Variants in FUT8 observed in about 807,000 individuals in gnomAD.
FUT8 encodes alpha-(1,6)-fucosyltransferase.
A neutral mutation model predicts 71.3 loss-of-function variants in FUT8; 29 were observed. The observed-to-expected ratio is 0.41, with a 90% CI of 0.30 to 0.55. FUT8 has a LOEUF of 0.55. FUT8 is among the 20% of genes least tolerant of loss of function. The pLI is 0.34. For synonymous variants in FUT8, 254 were observed against 239.3 expected, an observed-to-expected ratio of 1.06 and a Z score of -0.57; for missense variants, 544 against 702.1, an observed-to-expected ratio of 0.77 and a Z score of 2.55.
chr14:65,728,485 C>T (rs115153255), intron 9 of FUT8, among the ~76,000 whole-genome samples: 2,685 of 152,202 alleles, frequency 0.018, 80 homozygotes, highest in African/African-American at 0.061. Flanking sequence ...GAGAACAGCA[C>T]GGGAAAGGTT....
intron 2 of FUT8, among the ~76,000 whole-genome samples, chr14:65,484,925 G>A (rs190630778): frequency 1.4e-4 from 22 of 151,836 alleles, no homozygotes; most frequent in Admixed American, 1.4e-3. Flanking sequence ...TGTCTAATCT[G>A]TTAATTCTAT....
chr14:65,494,211 C>T (rs2066525048), intron 2 of FUT8, among the ~76,000 whole-genome samples: 1 of 151,932 alleles, frequency 6.6e-6, no homozygotes, highest in African/African-American at 2.4e-5. Context: ...AGTTATTTAA[C>T]GTAATGTATT....
At chr14:65,504,120 C>T (rs987983003) in intron 2 of FUT8, among the ~76,000 whole-genome samples, 22 of 152,304 alleles carry the variant, frequency 1.4e-4, no homozygotes, top group Admixed American at 1.2e-3. Flanking sequence ...CCTACACCCC[C>T]TTCTTTAAAA....
intron 1 of FUT8, among the ~76,000 whole-genome samples, chr14:65,430,032 T>G (rs1054332014): frequency 1.3e-5 from 2 of 151,760 alleles, no homozygotes; most frequent in South Asian, 2.1e-4. Context: ...TTTTGTTTTT[T>G]TTTTTGAGAC....
the FUT8 span, among the ~76,000 whole-genome samples, chr14:65,363,542 C>A: frequency 2.0e-5 from 3 of 152,198 alleles, no homozygotes; most frequent in Admixed American, 2.0e-4. Context: ...CAGGTGTGAG[C>A]CACTGCGCCC....
At chr14:65,712,681 G>A (rs1894865112) in intron 7 of FUT8, among the ~76,000 whole-genome samples, 1 of 152,162 alleles carries the variant, frequency 6.6e-6, no homozygotes, top group African/African-American at 2.4e-5. Context: ...CTGACCTCAG[G>A]TGATCCTCCT....
chr14:65,633,493 A>G (rs1464897535), intron 6 of FUT8, among the ~76,000 whole-genome samples: 1 of 150,866 alleles, frequency 6.6e-6, no homozygotes, highest in Non-Finnish European at 1.5e-5. Flanking sequence ...CTGGAAAGTG[A>G]GGAGCGTCTC....
rs983953995 is a variant in FUT8, at chr14:65,412,741, C to A, written c.-799C>A. The A allele has an allele frequency of 3.5e-5, 6 of 172,448 alleles. No homozygotes were observed. Among genetic ancestry groups the A allele is most frequent in the Non-Finnish European group, 6.2e-5 (5 of 80,886 alleles). 10.7% of individuals were successfully genotyped at this position (172,448 alleles called of 1,614,324 possible). A position where few individuals can be genotyped will look rare whatever the true frequency, so the allele number is the denominator to read the frequency against. ...GGGCGCGCTCCCCCATTCGCGCGCG[C>A]ACGCCGGCGCTGGCCGAGGCTTCCC... On this transcript the variant is annotated 5_prime_UTR_variant, in exon 1 of 11. Coordinates refer to ENST00000673929, the MANE Select transcript of FUT8 (RefSeq NM_001371533.1).
intron 7 of FUT8, among the ~76,000 whole-genome samples, chr14:65,710,778 T>C (rs1894775868): frequency 6.6e-6 from 1 of 152,192 alleles, no homozygotes; most frequent in Admixed American, 6.5e-5. Context: ...TACTCAAGGC[T>C]GAGTAATTTA....
At chr14:65,469,589 T>C (rs1322286957) in intron 2 of FUT8, among the ~76,000 whole-genome samples, 1 of 152,188 alleles carries the variant, frequency 6.6e-6, no homozygotes, top group Non-Finnish European at 1.5e-5. Context: ...AAAGAGAAGC[T>C]TTACTGAGTG....
At chr14:65,647,688 T>C (rs1407502545) in intron 6 of FUT8, among the ~76,000 whole-genome samples, 1 of 152,168 alleles carries the variant, frequency 6.6e-6, no homozygotes, top group Non-Finnish European at 1.5e-5. Context: ...TTTTGTTCCA[T>C]ATATAGTAGA....
At chr14:65,556,199 G>A (rs1885578386) in intron 2 of FUT8, among the ~76,000 whole-genome samples, 1 of 152,162 alleles carries the variant, frequency 6.6e-6, no homozygotes, top group Non-Finnish European at 1.5e-5. Flanking sequence ...CTGTTGGTCA[G>A]AATTTAGGGA....
At chr14:65,606,158 C>T (rs758946262) in intron 3 of FUT8, among the ~76,000 whole-genome samples, 4 of 150,486 alleles carry the variant, frequency 2.7e-5, no homozygotes, top group Non-Finnish European at 4.4e-5. Flanking sequence ...CTGCAACCTC[C>T]GCCTCCCAGG....
At chr14:65,581,573 G>C (rs1887088480) in intron 3 of FUT8, among the ~76,000 whole-genome samples, 1 of 152,120 alleles carries the variant, frequency 6.6e-6, no homozygotes, top group Non-Finnish European at 1.5e-5. Flanking sequence ...GTCACAGCAA[G>C]AGCCTTGAAA....
At position 65,476,052 on chromosome 14, in the gene FUT8, T is replaced by A. The variant is rs112724770; in HGVS notation, c.-228+20334T>A. On this transcript the variant is annotated intron_variant, in intron 2 of 10. Coordinates refer to ENST00000673929, the MANE Select transcript of FUT8 (RefSeq NM_001371533.1). ...CAGCAATACTTGTAGGCCTGCACAG[T>A]CCCAAGAGAGAAATCAGAGACTTGG... is the stretch of plus-strand genomic sequence containing the variant. Among the ~76,000 whole-genome samples the A allele has an allele frequency of 7.3e-3, 1,103 of 152,110 alleles. 13 individuals are homozygous for A. Among genetic ancestry groups the A allele is most frequent in the African/African-American group, 0.024 (1,001 of 41,476 alleles).
chr14:65,647,438 T>C (rs770004955), intron 6 of FUT8, among the ~76,000 whole-genome samples: 2 of 152,146 alleles, frequency 1.3e-5, no homozygotes, highest in Non-Finnish European at 2.9e-5. Context: ...TTTGTACTTA[T>C]CTTTGTCTTT....
intron 2 of FUT8, among the ~76,000 whole-genome samples, chr14:65,524,630 G>A (rs929417600): frequency 1.3e-5 from 2 of 152,144 alleles, no homozygotes; most frequent in African/African-American, 4.8e-5. Context: ...AGTGGTGAGC[G>A]AGGGCATCCC....
chr14:65,721,992 G>GA lies in FUT8; in HGVS notation c.1055dup (p.Leu353AlafsTer28). The stretch of plus-strand genomic sequence containing the variant: ...AAAAAGAAATAGAAGAAGCCACCAA[G>GA]AAGCTTGGCTTCAAACATCCAGTTA... On this transcript the variant is annotated frameshift_variant, in exon 8 of 11. Coordinates refer to ENST00000673929, the MANE Select transcript of FUT8 (RefSeq NM_001371533.1). LOFTEE classifies it high-confidence loss of function. The GA allele has an allele frequency of 6.2e-7, 1 of 1,614,148 alleles. No homozygotes were observed. Among genetic ancestry groups the GA allele is most frequent in the Non-Finnish European group, 8.5e-7 (1 of 1,180,030 alleles).
At position 65,603,084 on chromosome 14, in the gene FUT8, T is replaced by G. The variant is rs1888393255; in HGVS notation, c.204-12894T>G. Among the ~76,000 whole-genome samples, 1 of 151,946 alleles carries G rather than the reference T, an allele frequency of 6.6e-6. No individual in the cohort carries two copies. The highest frequency in any genetic ancestry group is 1.5e-5 in the Non-Finnish European group (1 of 67,950). On this transcript the variant is annotated intron_variant, in intron 3 of 10. Coordinates refer to ENST00000673929, the MANE Select transcript of FUT8 (RefSeq NM_001371533.1). This position sits in a 1 kb window ranked among gnomAD's most constrained non-coding sequence, Gnocchi z 4.5. ...CAATGTCTAGAAGGATTTTTTCCGA[T>G]GTTATTTTCTAGATTTTTTTATAGT...
Sources: allele counts gnomAD v4.1 joint callset (sites outside exome capture counted in the v4.1 genomes callset), GRCh38; gene constraint gnomAD v4.1.1; non-coding constraint Gnocchi (gnomAD v3.1); transcripts MANE v1.5; gene names NCBI Gene and HGNC (gene_info 2026-07-23, HGNC 2026-07-21).